ZNF44: variants seen among roughly 807,000 people sequenced by gnomAD.
ZNF44 encodes gonadotropin inducible transcription repressor-2.
Under a neutral mutation model 11.7 loss-of-function variants are expected in ZNF44, and 9 were observed. The observed-to-expected ratio is 0.77, with a 90% CI of 0.46 to 1.35. The LOEUF (loss-of-function observed/expected upper bound fraction) is 1.35, where lower values mean the gene tolerates loss of function less well. Among genes scored for constraint, ZNF44 ranks in the 40% most tolerant of loss-of-function variants. The probability of loss-of-function intolerance (pLI) is 0.00; values close to 1 mark genes in which losing one functional copy is unlikely to be tolerated. For missense variants in ZNF44, 696 were observed against 743.1 expected (o/e 0.94, Z 0.74); for synonymous variants, 224 against 242.7 (o/e 0.92, Z 0.72).
At chr19:12,293,297 C>T (rs965684184) in intron 1 of ZNF44, 3 of 1,536,820 alleles carry the variant, frequency 2.0e-6, no homozygotes, top group Admixed American at 2.0e-5. Context: ...ACCCAAGGGC[C>T]GATATCCACT....
intron 7 of ZNF44, among the ~76,000 whole-genome samples, chr19:12,249,232 G>A (rs1359404880): frequency 3.3e-5 from 5 of 151,170 alleles, no homozygotes; most frequent in Admixed American, 6.6e-5. Context: ...GGGGCCAGGC[G>A]TGGTGGCTCA....
upstream of ZNF44, among the ~76,000 whole-genome samples, chr19:12,239,568 A>ATTTT (rs1158604076): frequency 1.2e-4 from 9 of 76,048 alleles, no homozygotes; most frequent in East Asian, 3.7e-4. Context: ...CCCAAGTTGC[A>ATTTT]TTTTTTTTTT....
chr19:12,246,803 A>T (rs1355225597), downstream of ZNF44, among the ~76,000 whole-genome samples: 2 of 151,146 alleles, frequency 1.3e-5, no homozygotes, highest in Non-Finnish European at 3.0e-5. Context: ...AGGTGGGAGG[A>T]TCTCATGAGC....
intron 1 of ZNF44, among the ~76,000 whole-genome samples, chr19:12,278,025 G>T (rs1967305769): frequency 1.3e-5 from 2 of 152,238 alleles, no homozygotes; most frequent in Admixed American, 6.5e-5. Flanking sequence ...AGGCCAAGGT[G>T]TTGGGAACAG....
chr19:12,293,992 T>C (rs56693009), intron 1 of ZNF44, among the ~76,000 whole-genome samples: 25,582 of 150,762 alleles, frequency 0.17, 612 homozygotes, highest in East Asian at 0.25. Context: ...GCCCCGCTGC[T>C]TCACAGGAAG....
chr19:12,291,243 T>A (rs1434877679), intron 1 of ZNF44: 2 of 455,848 alleles, frequency 4.4e-6, no homozygotes, highest in Non-Finnish European at 8.8e-6. Context: ...TGTCCCAAGT[T>A]CTCCAGCCTA....
At chr19:12,252,910 CAG>C (rs1917075896) in intron 5 of ZNF44, among the ~76,000 whole-genome samples, 1 of 99,834 alleles carries the variant, frequency 1.0e-5, no homozygotes, top group Non-Finnish European at 1.8e-5. Context: ...TTTTGAGAGA[CAG>C]AGTCTCACTC....
At chr19:12,245,245 C>T (rs10413902), downstream of ZNF44, among the ~76,000 whole-genome samples, 1,122 of 152,118 alleles carry the variant, frequency 7.4e-3, 8 homozygotes, top group African/African-American at 0.026. Context: ...ACAAAGTTGA[C>T]CTGAAAATGC....
chr19:12,249,882 G>A, intron 7 of ZNF44: 1 of 859,642 alleles, frequency 1.2e-6, no homozygotes, highest in Non-Finnish European at 1.6e-6. Context: ...AGATACATTT[G>A]AGGCTCAGCT....
chr19:12,291,156 T>C, intron 1 of ZNF44: 2 of 415,290 alleles, frequency 4.8e-6, no homozygotes, highest in Non-Finnish European at 9.3e-6. Context: ...TTAAGTTCTT[T>C]AGCTATTGCA....
rs1348181476 is a variant in ZNF44 at position 12,288,757 on chromosome 19, CA to C, written c.3+5934del. Among the ~76,000 whole-genome samples, 362 of 45,194 alleles carry C rather than the reference CA, an allele frequency of 8.0e-3. 3 individuals are homozygous for C. Among genetic ancestry groups the C allele is most frequent in the African/African-American group, 0.028 (204 of 7,346 alleles). The allele number at this position is 45,194 out of a possible 152,430, so 29.6% of individuals were successfully genotyped here. A position where few individuals can be genotyped will look rare whatever the true frequency, so the allele number is the denominator to read the frequency against. On this transcript the variant is annotated intron_variant, in intron 1 of 3. Transcript: ENST00000355684. ...TGGGACAAAGAGTGAGACTCCGTCTCAAAAAAAAAAAAAAATGTATATATAT... is the reference window on the plus strand; with the variant it reads ...TGGGACAAAGAGTGAGACTCCGTCTCAAAAAAAAAAAAAATGTATATATAT...
chr19:12,257,716 A>G (rs1010353859), intron 5 of ZNF44, among the ~76,000 whole-genome samples: 2 of 150,460 alleles, frequency 1.3e-5, no homozygotes, highest in African/African-American at 4.9e-5. Context: ...CAGGAGAATC[A>G]TTTGAAACCG....
downstream of ZNF44, chr19:12,244,594 G>GT (rs1916717386): frequency 3.9e-5 from 6 of 152,630 alleles, no homozygotes; most frequent in Admixed American, 3.9e-4. Flanking sequence ...GTTGAAAACT[G>GT]TAACAAACCT....
exon 8 of ZNF44, chr19:12,248,200 G>A (rs1916834887): frequency 1.5e-6 from 2 of 1,308,292 alleles, no homozygotes; most frequent in South Asian, 2.4e-5. Flanking sequence ...CATTTGTAGG[G>A]TTTCTCTCCA....
chr19:12,263,753 G>A (rs1003391686), intron 5 of ZNF44, among the ~76,000 whole-genome samples: 4 of 151,742 alleles, frequency 2.6e-5, no homozygotes, highest in Non-Finnish European at 2.9e-5. Flanking sequence ...GTGAAACCCC[G>A]TCTCTACTAA....
chr19:12,245,318 T>A (rs1206382316), downstream of ZNF44, among the ~76,000 whole-genome samples: 1 of 152,210 alleles, frequency 6.6e-6, no homozygotes, highest in East Asian at 1.9e-4. Flanking sequence ...ATACAATAGT[T>A]GTTAGTATAC....
chr19:12,230,712 GAGGAAAGAAA>G lies in ZNF44; in HGVS notation n.381-207_381-198del, dbSNP rs1251187394. Among the ~76,000 whole-genome samples the G allele has an allele frequency of 4.6e-5, 7 of 152,216 alleles. No homozygotes were observed. In the South Asian group the frequency reaches 1.4e-3, roughly 31 times the overall value. On this transcript the variant is annotated intron_variant and non_coding_transcript_variant, in intron 2 of 3. Transcript: ENST00000597563. The stretch of plus-strand genomic sequence containing the variant: ...GTTTCGGCACCAAATGTAAGAGTTA[GAGGAAAGAAA>G]CACGAAATGCAGCTTGACAGTCAAA...
downstream of ZNF44, chr19:12,242,979 T>A (rs1445762407): frequency 6.6e-6 from 1 of 152,164 alleles, no homozygotes; most frequent in Admixed American, 6.5e-5. Context: ...GACCCAGCAA[T>A]AGAAATGACA....
intron 5 of ZNF44, chr19:12,250,819 C>CA (rs1339461868): frequency 6.6e-6 from 3 of 456,134 alleles, no homozygotes; most frequent in Non-Finnish European, 1.3e-5. Context: ...AGCATGAGAA[C>CA]AAGAGGCACG....
Sources: gnomAD v4.1 joint callset for allele counts (sites outside exome capture counted in the v4.1 genomes callset) on GRCh38, gnomAD v4.1.1 for gene constraint, MANE v1.5 for transcripts, NCBI Gene and HGNC (gene_info 2026-07-23, HGNC 2026-07-21) for gene names.